TPRG1: variants seen among roughly 807,000 people sequenced by gnomAD.
TPRG1 encodes the protein tumor protein p63-regulated gene 1 protein.
A neutral mutation model predicts 29.3 loss-of-function variants in TPRG1; 29 were observed. The observed-to-expected ratio is 0.99, with a 90% CI of 0.74 to 1.35. The LOEUF (loss-of-function observed/expected upper bound fraction) is 1.35, where lower values mean the gene tolerates loss of function less well. Among genes scored for constraint, TPRG1 ranks in the 40% most tolerant of loss-of-function variants. The pLI, the probability that TPRG1 is intolerant of heterozygous loss-of-function variation, is 0.00. For missense variants in TPRG1, 327 were observed against 335.0 expected (o/e 0.98, Z 0.19); for synonymous variants, 130 against 116.8 (o/e 1.11, Z -0.73).
At chr3:189,271,102 A>G (rs1464020200) in intron 4 of TPRG1, among the ~76,000 whole-genome samples, 1 of 152,222 alleles carries the variant, frequency 6.6e-6, no homozygotes, top group Non-Finnish European at 1.5e-5. Flanking sequence ...GAGGCCCACT[A>G]GAATGTGAAG....
rs535436023 is a variant in TPRG1, at chr3:189,154,073, A to G, written c.-10+3201A>G. ...TGTAGAGCACACATTTATCATTAGC[A>G]TGCTTTAAATGGAGAGAGGATGAGG... On this transcript the variant is annotated intron_variant, in intron 5 of 6. Coordinates refer to the TPRG1 transcript ENST00000412373. Among the ~76,000 whole-genome samples the G allele has an allele frequency of 3.9e-5, 6 of 152,338 alleles. No homozygotes were observed. In the South Asian group the frequency reaches 1.2e-3, roughly 32 times the overall value.
At chr3:189,011,226 T>C (rs1392033898) in intron 3 of TPRG1, among the ~76,000 whole-genome samples, 1 of 152,174 alleles carries the variant, frequency 6.6e-6, no homozygotes, top group Non-Finnish European at 1.5e-5. Context: ...TTTTTGCTTA[T>C]GATTGCCTTG....
intron 3 of TPRG1, among the ~76,000 whole-genome samples, chr3:189,234,718 A>C (rs1268745693): frequency 1.3e-5 from 2 of 152,224 alleles, no homozygotes; most frequent in African/African-American, 4.8e-5. Flanking sequence ...CCTTGGAGAC[A>C]CAAGGCTAAG....
rs115401517 is a variant in TPRG1 at position 189,129,488 on chromosome 3, C to T, written c.-590+2278C>T. On this transcript the variant is annotated intron_variant, in intron 2 of 6. Coordinates refer to the TPRG1 transcript ENST00000412373. Reference sequence around the variant, plus strand: ...TTCCACTGTAAATTTGCTGTTTCCCCCTTTGTTATTACTAAATATTTTGAG... The same window carrying T: ...TTCCACTGTAAATTTGCTGTTTCCCTCTTTGTTATTACTAAATATTTTGAG... Among the ~76,000 whole-genome samples the T allele has an allele frequency of 3.8e-3, 572 of 152,222 alleles. 5 individuals are homozygous for T. The highest frequency in any genetic ancestry group is 0.013 in the African/African-American group (553 of 41,530).
At chr3:189,064,371 T>TGG (rs1716300769) in intron 4 of TPRG1, among the ~76,000 whole-genome samples, 1 of 152,142 alleles carries the variant, frequency 6.6e-6, no homozygotes. Flanking sequence ...TAGGGCTTTC[T>TGG]TGAGAACTGC....
At chr3:189,272,713 C>CTCCTTCCTTCCTTCCT (rs59828840) in intron 4 of TPRG1, among the ~76,000 whole-genome samples, 86 of 132,516 alleles carry the variant, frequency 6.5e-4, no homozygotes, top group South Asian at 1.3e-3. Context: ...TTCTTTCTTT[C>CTCCTTCCTTCCTTCCT]TCCTTCCTTC....
intron 4 of TPRG1, among the ~76,000 whole-genome samples, chr3:189,268,523 T>A (rs929309409): frequency 6.6e-6 from 1 of 152,212 alleles, no homozygotes; most frequent in Non-Finnish European, 1.5e-5. Context: ...TAAGAATTCC[T>A]GCAGAGGGCA....
At chr3:189,035,809 T>C (rs1714230058) in intron 4 of TPRG1, among the ~76,000 whole-genome samples, 1 of 152,168 alleles carries the variant, frequency 6.6e-6, no homozygotes, top group African/African-American at 2.4e-5. Flanking sequence ...GAAACACTTA[T>C]ACACTGTTAG....
intron 2 of TPRG1, among the ~76,000 whole-genome samples, chr3:189,002,892 A>G (rs902829605): frequency 6.6e-6 from 1 of 152,118 alleles, no homozygotes; most frequent in Non-Finnish European, 1.5e-5. Context: ...TTTTAAGCAC[A>G]TGCTCAATGG....
chr3:189,037,956 T>G (rs956300567), intron 4 of TPRG1, among the ~76,000 whole-genome samples: 2 of 150,748 alleles, frequency 1.3e-5, no homozygotes, highest in African/African-American at 2.4e-5. Context: ...ACCATGTTCA[T>G]GGATGGGGCA....
chr3:189,236,331 TA>T (rs2108929591), intron 3 of TPRG1, among the ~76,000 whole-genome samples: 1 of 152,344 alleles, frequency 6.6e-6, no homozygotes, highest in East Asian at 1.9e-4. Flanking sequence ...GCAGTTTTTT[TA>T]GACTAAAACA....
chr3:189,172,498 G>C (rs1327060296), intron 1 of TPRG1, among the ~76,000 whole-genome samples: 3 of 152,104 alleles, frequency 2.0e-5, no homozygotes, highest in Non-Finnish European at 4.4e-5. Context: ...GCAGGTTAAG[G>C]CCAAGATTAG....
At chr3:189,020,147 G>T (rs867450910) in intron 3 of TPRG1, among the ~76,000 whole-genome samples, 144 of 151,310 alleles carry the variant, frequency 9.5e-4, no homozygotes, top group African/African-American at 3.3e-3. Context: ...TCTTGCTAGC[G>T]GTCTATCTAT....
intron 4 of TPRG1, among the ~76,000 whole-genome samples, chr3:189,036,338 C>G (rs2152132081): frequency 6.6e-6 from 1 of 152,190 alleles, no homozygotes; most frequent in East Asian, 1.9e-4. Flanking sequence ...ATGCTCACTA[C>G]TTGGGTGACA....
At chr3:189,119,963 G>A (rs376206626) in intron 1 of TPRG1, among the ~76,000 whole-genome samples, 14 of 152,146 alleles carry the variant, frequency 9.2e-5, no homozygotes, top group African/African-American at 2.4e-4. Flanking sequence ...AGGAGGTTTC[G>A]GGGATGGCAG....
intron 4 of TPRG1, among the ~76,000 whole-genome samples, chr3:189,032,730 A>G (rs1714002852): frequency 7.0e-6 from 1 of 143,430 alleles, no homozygotes; most frequent in Non-Finnish European, 1.5e-5. Flanking sequence ...TGTATCTCCT[A>G]ATGCTATCCC....
At chr3:189,080,755 G>A (rs1717537358) in intron 4 of TPRG1, among the ~76,000 whole-genome samples, 1 of 152,002 alleles carries the variant, frequency 6.6e-6, no homozygotes, top group Non-Finnish European at 1.5e-5. Flanking sequence ...AGTGTGGGGA[G>A]GCCATCCTGG....
upstream of TPRG1, among the ~76,000 whole-genome samples, chr3:189,169,060 G>A (rs1013201558): frequency 4.6e-5 from 7 of 152,198 alleles, no homozygotes; most frequent in Admixed American, 3.9e-4. Flanking sequence ...CAGAAGAGGG[G>A]TTCTAACATA....
chr3:189,081,458 G>A (rs1001763880), intron 4 of TPRG1, among the ~76,000 whole-genome samples: 1 of 152,118 alleles, frequency 6.6e-6, no homozygotes, highest in African/African-American at 2.4e-5. Flanking sequence ...GTATTATGCA[G>A]GTAATGGAAA....
Sources: allele counts gnomAD v4.1 joint callset (sites outside exome capture counted in the v4.1 genomes callset), GRCh38; gene constraint gnomAD v4.1.1; transcripts MANE v1.5; gene names NCBI Gene and HGNC (gene_info 2026-07-23, HGNC 2026-07-21).